The following TENM3 variants were observed in gnomAD, a reference collection of about 807,000 sequenced individuals.
TENM3 encodes the protein teneurin-3.
A neutral mutation model predicts 255.1 loss-of-function variants in TENM3; 63 were observed. That is an observed-to-expected ratio of 0.25 (90% CI 0.20 to 0.30). The LOEUF is 0.30. Among genes scored for constraint, TENM3 ranks in the 10% least tolerant of loss-of-function variants. The pLI is 1.00. For missense variants in TENM3, 2,929 were observed against 3,461.1 expected, an observed-to-expected ratio of 0.85 and a Z score of 3.86; for synonymous variants, 1,306 against 1,322.3, an observed-to-expected ratio of 0.99 and a Z score of 0.27.
At chr4:182,197,172 C>T (rs904571105) in intron 1 of TENM3, among the ~76,000 whole-genome samples, 1 of 152,170 alleles carries the variant, frequency 6.6e-6, no homozygotes, top group Non-Finnish European at 1.5e-5. Flanking sequence ...TTGTTGTCTA[C>T]AAGCTTTTTA....
intron 22 of TENM3, among the ~76,000 whole-genome samples, chr4:182,770,392 C>G (rs1408823432): frequency 6.6e-6 from 1 of 152,178 alleles, no homozygotes; most frequent in African/African-American, 2.4e-5. Context: ...AGGCTCCCTT[C>G]CAGTATGACT....
At chr4:181,993,089 C>T in the TENM3 span, among the ~76,000 whole-genome samples, 38 of 152,178 alleles carry the variant, frequency 2.5e-4, no homozygotes, top group African/African-American at 8.9e-4. Flanking sequence ...ACTTTTGTAC[C>T]GTATTTATCC....
rs115594790 is a variant in TENM3 at position 182,225,587 on chromosome 4, G to A, written c.-76+80833G>A. Among the ~76,000 whole-genome samples, 1,120 of 152,240 alleles carry A rather than the reference G, an allele frequency of 7.4e-3. 14 individuals are homozygous for A. The highest frequency in any genetic ancestry group is 0.025 in the African/African-American group (1,037 of 41,524). ...CCATGGGGAAGTGACTGACGACAGCGGGAGATGAACACAAAATGATCTGAG... is the reference window on the plus strand; with the variant it reads ...CCATGGGGAAGTGACTGACGACAGCAGGAGATGAACACAAAATGATCTGAG... On this transcript the variant is annotated intron_variant, in intron 1 of 2. Coordinates refer to the TENM3 transcript ENST00000512480.
At chr4:181,639,284 A>G in the TENM3 span, among the ~76,000 whole-genome samples, 1 of 152,156 alleles carries the variant, frequency 6.6e-6, no homozygotes, top group Non-Finnish European at 1.5e-5. Context: ...GAGATATTTT[A>G]TTTATTTGCT....
the TENM3 span, among the ~76,000 whole-genome samples, chr4:181,695,559 C>T: frequency 6.6e-5 from 10 of 152,246 alleles, no homozygotes; most frequent in African/African-American, 2.2e-4. Flanking sequence ...CATGTTCTCT[C>T]CCACTCCCTA....
intron 7 of TENM3, among the ~76,000 whole-genome samples, chr4:182,674,651 C>G (rs1755511571): frequency 6.6e-6 from 1 of 152,144 alleles, no homozygotes; most frequent in African/African-American, 2.4e-5. Flanking sequence ...TCTTACCTCA[C>G]TGTAGCCTCA....
At chr4:182,052,953 G>A in the TENM3 span, among the ~76,000 whole-genome samples, 30 of 152,154 alleles carry the variant, frequency 2.0e-4, no homozygotes, top group South Asian at 4.2e-4. Flanking sequence ...TTCAAATATA[G>A]CATTTTAGCA....
intron 3 of TENM3, among the ~76,000 whole-genome samples, chr4:182,418,434 A>G (rs940454802): frequency 1.3e-5 from 2 of 152,190 alleles, no homozygotes; most frequent in African/African-American, 2.4e-5. Context: ...CAGACACAGA[A>G]GTGATCAAAC....
chr4:182,110,113 CA>C, the TENM3 span, among the ~76,000 whole-genome samples: 71,577 of 109,488 alleles, frequency 0.65, 22,121 homozygotes, highest in South Asian at 0.76. Context: ...GACTCTGTCT[CA>C]AAAAAAAAAA....
intron 3 of TENM3, among the ~76,000 whole-genome samples, chr4:182,464,978 T>C (rs1732451588): frequency 6.6e-6 from 1 of 152,132 alleles, no homozygotes; most frequent in African/African-American, 2.4e-5. Flanking sequence ...ATTAACCAGG[T>C]TTTTGTCTTT....
the TENM3 span, among the ~76,000 whole-genome samples, chr4:182,100,003 G>T: frequency 1.3e-5 from 2 of 151,972 alleles, no homozygotes; most frequent in South Asian, 4.2e-4. Flanking sequence ...TGGCTAAGAC[G>T]GTCAGTGTTT....
the TENM3 span, among the ~76,000 whole-genome samples, chr4:181,713,313 C>T: frequency 6.6e-6 from 1 of 152,120 alleles, no homozygotes; most frequent in East Asian, 1.9e-4. Flanking sequence ...CTTAGTTAGA[C>T]CACGAAAAGG....
chr4:182,415,683 TAA>T (rs1464067570), intron 3 of TENM3, among the ~76,000 whole-genome samples: 1 of 152,246 alleles, frequency 6.6e-6, no homozygotes, highest in East Asian at 1.9e-4. Context: ...GCCAGTATTC[TAA>T]GTGTGCTAAA....
the TENM3 span, among the ~76,000 whole-genome samples, chr4:181,803,203 A>G: frequency 3.2e-4 from 48 of 152,288 alleles, no homozygotes; most frequent in African/African-American, 1.1e-3. Flanking sequence ...TACAGCCACA[A>G]TCTCCATCAG....
At chr4:182,084,725 G>A in the TENM3 span, 1 of 152,082 alleles carries the variant, frequency 6.6e-6, no homozygotes, top group South Asian at 2.1e-4. Context: ...TATTTACAAG[G>A]AAAACTGGTG....
intron 3 of TENM3, among the ~76,000 whole-genome samples, chr4:182,471,202 A>T (rs1024020392): frequency 6.6e-6 from 1 of 152,230 alleles, no homozygotes; most frequent in Non-Finnish European, 1.5e-5. Context: ...AAGAACATTC[A>T]GATTATCTAA....
At chr4:181,605,508 A>G in the TENM3 span, among the ~76,000 whole-genome samples, 3 of 17,996 alleles carry the variant, frequency 1.7e-4, no homozygotes, top group African/African-American at 2.9e-4. Context: ...GAAAGAAAGA[A>G]AGAAAGAAAG....
chr4:181,795,297 C>G, the TENM3 span, among the ~76,000 whole-genome samples: 1 of 152,026 alleles, frequency 6.6e-6, no homozygotes, highest in East Asian at 1.9e-4. Context: ...GTGAGGATCC[C>G]TTTCCTGGTG....
chr4:181,790,076 A>T, the TENM3 span, among the ~76,000 whole-genome samples: 1 of 152,162 alleles, frequency 6.6e-6, no homozygotes, highest in East Asian at 1.9e-4. Flanking sequence ...TTGGCATCAG[A>T]AGTAGAGTGC....
Sources: allele counts gnomAD v4.1 joint callset (sites outside exome capture counted in the v4.1 genomes callset), GRCh38; gene constraint gnomAD v4.1.1; transcripts MANE v1.5; gene names NCBI Gene and HGNC (gene_info 2026-07-23, HGNC 2026-07-21).